WDR27: variants seen among roughly 807,000 people sequenced by gnomAD.
The protein encoded by WDR27 is WD repeat domain 27.
WDR27 carries 100 observed loss-of-function variants against 114.4 expected under a neutral mutation model. That is an observed-to-expected ratio of 0.87 (90% CI 0.74 to 1.03). The LOEUF (loss-of-function observed/expected upper bound fraction) is 1.03, where lower values mean the gene tolerates loss of function less well. Among genes scored for constraint, WDR27 ranks in the 50% least tolerant of loss-of-function variants. WDR27 has a pLI of 0.00. For synonymous variants in WDR27, 449 were observed against 423.1 expected (o/e 1.06, Z -0.75); for missense variants, 1,129 against 1,092.9 (o/e 1.03, Z -0.47).
intron 25 of WDR27, among the ~76,000 whole-genome samples, chr6:169,470,587 TCTCA>T (rs1385056708): frequency 1.3e-5 from 2 of 152,212 alleles, no homozygotes; most frequent in Non-Finnish European, 1.5e-5. Context: ...GCGGTTGCCT[TCTCA>T]CTGTGTCCTC....
chr6:169,481,858 A>G (rs1184206385), intron 25 of WDR27, among the ~76,000 whole-genome samples: 2 of 152,202 alleles, frequency 1.3e-5, no homozygotes, highest in Non-Finnish European at 2.9e-5. Flanking sequence ...CTCCAGACAC[A>G]CCATCTTTAA....
intron 25 of WDR27, among the ~76,000 whole-genome samples, chr6:169,570,125 G>A (rs940413097): frequency 7.9e-5 from 12 of 152,084 alleles, no homozygotes; most frequent in South Asian, 2.1e-4. Flanking sequence ...ACGTGGACTC[G>A]GCAGATCTCT....
chr6:169,437,831 G>A, the WDR27 span, among the ~76,000 whole-genome samples: 15 of 151,978 alleles, frequency 9.9e-5, no homozygotes, highest in African/African-American at 3.6e-4. Flanking sequence ...ATTGTGGCCC[G>A]ATGCTGGCCA....
At chr6:169,664,121 A>G (rs1827116001) in intron 8 of WDR27, 45 bp downstream of exon 8, 2 of 1,516,848 alleles carry the variant, frequency 1.3e-6, no homozygotes, top group Middle Eastern at 1.9e-4. Context: ...CTGGTGAAAG[A>G]TCTGGGCCAA....
At chr6:169,622,410 C>A (rs1391762465) in intron 21 of WDR27, among the ~76,000 whole-genome samples, 1 of 152,142 alleles carries the variant, frequency 6.6e-6, no homozygotes, top group Non-Finnish European at 1.5e-5. Context: ...CACATACAAA[C>A]CAAATTTAAG....
intron 4 of WDR27, 153 bp downstream of exon 4, chr6:169,670,416 G>A (rs865806076): frequency 1.3e-6 from 1 of 755,288 alleles, no homozygotes; most frequent in Non-Finnish European, 2.0e-6. Flanking sequence ...GCAAGATAAA[G>A]ATATGATTTT....
At chr6:169,459,397 G>GA (rs1387805462) in intron 25 of WDR27, among the ~76,000 whole-genome samples, 3 of 151,816 alleles carry the variant, frequency 2.0e-5, no homozygotes, top group African/African-American at 7.3e-5. Context: ...GGCACAGAAA[G>GA]AAAAAAAGCA....
At chr6:169,609,344 G>A (rs937485788) in intron 22 of WDR27, among the ~76,000 whole-genome samples, 2 of 152,140 alleles carry the variant, frequency 1.3e-5, no homozygotes, top group African/African-American at 2.4e-5. Context: ...GTTCTCCAAG[G>A]GAGCCCCACC....
At chr6:169,606,980 T>C (rs1166103032) in intron 22 of WDR27, among the ~76,000 whole-genome samples, 2 of 152,092 alleles carry the variant, frequency 1.3e-5, no homozygotes, top group East Asian at 3.9e-4. Flanking sequence ...AGCAAGCATA[T>C]GAAAAATGCT....
chr6:169,528,372 A>T (rs1318507668), intron 25 of WDR27, among the ~76,000 whole-genome samples: 1 of 152,162 alleles, frequency 6.6e-6, no homozygotes, highest in African/African-American at 2.4e-5. Flanking sequence ...TAACAACTGA[A>T]ACCCTTTCTG....
intron 21 of WDR27, among the ~76,000 whole-genome samples, chr6:169,619,975 T>C (rs1353526324): frequency 6.6e-6 from 1 of 151,982 alleles, no homozygotes; most frequent in Non-Finnish European, 1.5e-5. Flanking sequence ...TGTTTTGGAG[T>C]GAAATATTTT....
the WDR27 span, among the ~76,000 whole-genome samples, chr6:169,448,434 A>T: frequency 0.55 from 82,248 of 150,492 alleles, 24,250 homozygotes; most frequent in East Asian, 0.93. Flanking sequence ...ATATATATAT[A>T]TTTTTTTACT....
At chr6:169,479,400 C>T (rs1174344896) in intron 25 of WDR27, among the ~76,000 whole-genome samples, 1 of 151,988 alleles carries the variant, frequency 6.6e-6, no homozygotes, top group Non-Finnish European at 1.5e-5. Flanking sequence ...TGACTTTAAA[C>T]CAATAAAAAT....
Position 169,660,697 on chromosome 6 carries a change from T to C in WDR27, c.1095A>G (p.Ala365=), listed in dbSNP as rs1217287608. The C allele has an allele frequency of 1.2e-6, 2 of 1,613,896 alleles. No homozygotes were observed. Among genetic ancestry groups the C allele is most frequent in the South Asian group, 2.2e-5 (2 of 91,096 alleles). The change falls in exon 10 of 26, where the codon GCA becomes GCG. Residue 365 remains alanine (A), a synonymous_variant. Coordinates refer to ENST00000448612, the MANE Select transcript of WDR27 (RefSeq NM_182552.5). ...ACAAAGCAGCTTCCACTTCCAGGTT[T>C]GCCAGGTTAAATACGAATAAGCCCA... The part of the protein sequence containing the change: ...SSVGLFVFNL[A]NLEVEAALYY...
chr6:169,638,322 CAAAAAAAAAAAAAAAAAAA>C lies in WDR27; in HGVS notation c.1869+198_1869+216del, dbSNP rs60501000. 1.1e-3 allele frequency among the ~76,000 whole-genome samples: 12 copies of C among 11,064 alleles called. 4 individuals carry two copies. Among genetic ancestry groups the C allele is most frequent in the Admixed American group, 9.8e-4 (1 of 1,018 alleles). The allele number at this position is 11,064 out of a possible 152,430, so 7.3% of individuals were successfully genotyped here. On this transcript the variant is annotated intron_variant, in intron 18 of 25. Transcript: ENST00000448612. ...TGGGCGACAGAGCGAGACTCCGTCT[CAAAAAAAAAAAAAAAAAAA>C]AAAAAAAAAAGAAACTAATCAATAA...
At chr6:169,632,049 G>A (rs1379157199) in intron 21 of WDR27, among the ~76,000 whole-genome samples, 5 of 151,942 alleles carry the variant, frequency 3.3e-5, no homozygotes, top group Non-Finnish European at 7.4e-5. Flanking sequence ...TTAGCCAGGT[G>A]TGGTGGCTCA....
intron 14 of WDR27, among the ~76,000 whole-genome samples, chr6:169,649,599 A>T (rs914484206): frequency 9.9e-5 from 15 of 151,922 alleles, no homozygotes; most frequent in African/African-American, 3.4e-4. Flanking sequence ...TCAACCCCTC[A>T]TCCCCCGGGG....
At chr6:169,664,877 T>C (rs1411651282) in intron 7 of WDR27, 3 of 986,388 alleles carry the variant, frequency 3.0e-6, no homozygotes, top group Non-Finnish European at 3.6e-6. Flanking sequence ...ACAGGAGCCG[T>C]CCAGGGCGCC....
chr6:169,450,724 G>A, the WDR27 span, among the ~76,000 whole-genome samples: 1 of 152,168 alleles, frequency 6.6e-6, no homozygotes, highest in Admixed American at 6.5e-5. Context: ...CTGGGTCACA[G>A]AGCAGGCACC....
Sources: allele counts gnomAD v4.1 joint callset (sites outside exome capture counted in the v4.1 genomes callset), GRCh38; gene constraint gnomAD v4.1.1; transcripts MANE v1.5; gene names NCBI Gene and HGNC (gene_info 2026-07-23, HGNC 2026-07-21).